LRBA: variants seen among roughly 807,000 people sequenced by gnomAD.
LRBA encodes the protein LPS responsive beige-like anchor protein.
Under a neutral mutation model 330.0 loss-of-function variants are expected in LRBA, and 176 were observed. The observed-to-expected ratio is 0.53, with a 90% CI of 0.47 to 0.60. The LOEUF is 0.60. LRBA is among the 20% of genes least tolerant of loss of function. LRBA has a pLI of 0.00. For synonymous variants in LRBA, 1,230 were observed against 1,193.0 expected, an observed-to-expected ratio of 1.03 and a Z score of -0.64; for missense variants, 3,259 against 3,444.8, an observed-to-expected ratio of 0.95 and a Z score of 1.35.
chr4:150,893,421 G>T (rs1472405378), intron 16 of LRBA, among the ~76,000 whole-genome samples: 1 of 152,108 alleles, frequency 6.6e-6, no homozygotes, highest in Non-Finnish European at 1.5e-5. Flanking sequence ...TGTGATCTCA[G>T]CTCACTGCAA....
intron 35 of LRBA, among the ~76,000 whole-genome samples, chr4:150,758,376 C>T (rs1734597585): frequency 6.6e-6 from 1 of 152,010 alleles, no homozygotes; most frequent in Non-Finnish European, 1.5e-5. Flanking sequence ...CTTACAAGGC[C>T]AAAAATCTTA....
At chr4:150,299,582 A>G (rs1234052240) in intron 53 of LRBA, among the ~76,000 whole-genome samples, 2 of 152,038 alleles carry the variant, frequency 1.3e-5, no homozygotes, top group East Asian at 1.9e-4. Flanking sequence ...TTAATATTAG[A>G]TAATATGATA....
intron 17 of LRBA, among the ~76,000 whole-genome samples, chr4:150,887,375 C>A (rs1327304391): frequency 2.6e-5 from 4 of 152,022 alleles, no homozygotes; most frequent in Non-Finnish European, 5.9e-5. Flanking sequence ...TAAGGAGTTG[C>A]CTGACTCTAT....
At chr4:150,987,535 G>A (rs1237108726) in intron 2 of LRBA, among the ~76,000 whole-genome samples, 3 of 151,982 alleles carry the variant, frequency 2.0e-5, no homozygotes, top group Non-Finnish European at 4.4e-5. Context: ...GCAAAACCCC[G>A]TCTCTACTAA....
At chr4:150,424,241 C>T (rs1025055105) in intron 46 of LRBA, among the ~76,000 whole-genome samples, 1 of 152,106 alleles carries the variant, frequency 6.6e-6, no homozygotes, top group Non-Finnish European at 1.5e-5. Context: ...TACAGCAAAT[C>T]CTCACCTACT....
intron 44 of LRBA, among the ~76,000 whole-genome samples, chr4:150,450,934 G>A (rs1173541384): frequency 2.0e-4 from 30 of 152,124 alleles, no homozygotes; most frequent in Admixed American, 2.0e-3. Flanking sequence ...AAGAGGCGAG[G>A]CATGAGAATT....
At chr4:150,896,125 C>T (rs1730053238) in intron 16 of LRBA, among the ~76,000 whole-genome samples, 1 of 152,094 alleles carries the variant, frequency 6.6e-6, no homozygotes, top group Admixed American at 6.5e-5. Context: ...TGGAAATACA[C>T]TGAAAGTATG....
chr4:150,983,529 C>T (rs1202149936), intron 2 of LRBA, among the ~76,000 whole-genome samples: 1 of 149,560 alleles, frequency 6.7e-6, no homozygotes, highest in African/African-American at 2.5e-5. Flanking sequence ...TCTCAGCTCA[C>T]TGCAACCTCT....
chr4:150,548,630 AT>A (rs536763781), intron 40 of LRBA, among the ~76,000 whole-genome samples: 63 of 152,182 alleles, frequency 4.1e-4, no homozygotes, highest in Non-Finnish European at 7.4e-4. Context: ...TTAAAAACAG[AT>A]TTAAAAAAAA....
chr4:150,385,482 T>C (rs1328521704), intron 47 of LRBA, among the ~76,000 whole-genome samples: 2 of 152,010 alleles, frequency 1.3e-5, no homozygotes, highest in Non-Finnish European at 1.5e-5. Context: ...GCATCTGCTA[T>C]ACTAAAAGCA....
intron 2 of LRBA, among the ~76,000 whole-genome samples, chr4:150,931,303 TA>T (rs1011818441): frequency 5.6e-4 from 84 of 149,586 alleles, no homozygotes; most frequent in African/African-American, 2.1e-3. Flanking sequence ...TAAAAAGATT[TA>T]AAAAAAGGCA....
chr4:150,794,952 G>T (rs187214997), intron 34 of LRBA, among the ~76,000 whole-genome samples: 2 of 152,248 alleles, frequency 1.3e-5, no homozygotes, highest in Admixed American at 1.3e-4. Flanking sequence ...GTATCCGAAG[G>T]AATGATTTCT....
At chr4:150,554,072 G>A (rs536763923) in intron 40 of LRBA, among the ~76,000 whole-genome samples, 1 of 152,254 alleles carries the variant, frequency 6.6e-6, no homozygotes, top group Admixed American at 6.5e-5. Flanking sequence ...TAAAGCAGGA[G>A]ATACATGCAG....
intron 44 of LRBA, among the ~76,000 whole-genome samples, chr4:150,456,995 TA>T (rs1754161647): frequency 6.6e-6 from 1 of 152,134 alleles, no homozygotes; most frequent in Non-Finnish European, 1.5e-5. Flanking sequence ...TGTGGATTTG[TA>T]AAATCTTTTC....
At chr4:150,819,821 G>C (rs1474259320) in intron 30 of LRBA, among the ~76,000 whole-genome samples, 2 of 152,022 alleles carry the variant, frequency 1.3e-5, no homozygotes, top group Admixed American at 6.6e-5. Flanking sequence ...TCACAAATAA[G>C]ATCTTATTCT....
intron 40 of LRBA, among the ~76,000 whole-genome samples, chr4:150,573,542 G>A (rs1034347320): frequency 5.9e-5 from 9 of 152,102 alleles, no homozygotes; most frequent in African/African-American, 1.9e-4. Context: ...TAGACTGACT[G>A]GTATATATGT....
At chr4:150,639,008 GA>G (rs1581887615) in intron 37 of LRBA, among the ~76,000 whole-genome samples, 1 of 95,004 alleles carries the variant, frequency 1.1e-5, no homozygotes, top group East Asian at 2.6e-4. Context: ...ATACACCATG[GA>G]ATACTATGCA....
chr4:150,471,495 A>G lies in LRBA; in HGVS notation c.6667+129T>C, dbSNP rs146814336. On this transcript the variant is annotated intron_variant, in intron 43 of 56. Coordinates refer to ENST00000651943, the MANE Select transcript of LRBA (RefSeq NM_001364905.1). ...GCAACATACCTTATTCTCTTTGTAT[A>G]TCCTTTGTAGTATTCTAGTAGCAAT... is the stretch of plus-strand genomic sequence containing the variant. 2.7e-3 allele frequency: 1,571 copies of G among 585,456 alleles called. 15 individuals are homozygous for G. The highest frequency in any genetic ancestry group is 0.026 in the African/African-American group (1,368 of 53,266). The allele number at this position is 585,456 out of a possible 1,614,324, so 36.3% of individuals were successfully genotyped here. A position where few individuals can be genotyped will look rare whatever the true frequency, so the allele number is the denominator to read the frequency against.
At chr4:150,686,574 C>T (rs557286570) in intron 36 of LRBA, among the ~76,000 whole-genome samples, 1 of 152,230 alleles carries the variant, frequency 6.6e-6, no homozygotes, top group South Asian at 2.1e-4. Flanking sequence ...TCATATCTAA[C>T]CCAACCATAC....
Sources: allele counts gnomAD v4.1 joint callset (sites outside exome capture counted in the v4.1 genomes callset), GRCh38; gene constraint gnomAD v4.1.1; transcripts MANE v1.5; gene names NCBI Gene and HGNC (gene_info 2026-07-23, HGNC 2026-07-21).